Variants in VAV2 observed in about 807,000 individuals in gnomAD.
VAV2 encodes the protein guanine nucleotide exchange factor VAV2.
VAV2 carries 67 observed loss-of-function variants against 132.5 expected under a neutral mutation model. The observed-to-expected ratio is 0.51, with a 90% confidence interval of 0.42 to 0.62. The LOEUF (loss-of-function observed/expected upper bound fraction) is 0.62. VAV2 is among the 20% of genes least tolerant of loss of function. The probability of loss-of-function intolerance (pLI) is 0.00; values close to 1 mark genes in which losing one functional copy is unlikely to be tolerated. For synonymous variants in VAV2, 492 were observed against 443.5 expected (o/e 1.11, Z -1.37); for missense variants, 938 against 1,153.6 (o/e 0.81, Z 2.71).
chr9:133,787,571 G>A (rs1260046533), intron 15 of VAV2, among the ~76,000 whole-genome samples: 3 of 152,150 alleles, frequency 2.0e-5, no homozygotes, highest in African/African-American at 4.8e-5. Context: ...AGCCCTGGAG[G>A]CCAGGGACTG....
rs1374257418 is a variant in VAV2, at chr9:133,779,944, G to T, written c.1741-5C>A. ...TGGTCCCGCTCCGGAGGCGTCCTGT[G>T]AGGACAAGGACAGAACACAGAGATG... On this transcript the variant is annotated splice_region_variant and splice_polypyrimidine_tract_variant and intron_variant, in intron 20 of 29. Transcript: ENST00000371850. 4 of 1,612,578 alleles carry T rather than the reference G, an allele frequency of 2.5e-6. No homozygotes were observed. Among genetic ancestry groups the T allele is most frequent in the Non-Finnish European group, 3.4e-6 (4 of 1,179,734 alleles).
intron 2 of VAV2, among the ~76,000 whole-genome samples, chr9:133,930,322 CACTGCCTCCCAGCAGCCTT>C (rs1840635410): frequency 6.7e-6 from 1 of 150,104 alleles, no homozygotes; most frequent in Non-Finnish European, 1.5e-5. Context: ...CTGGCATCCA[CACTGCCTCCCAGCAGCCTT>C]GCTGCCTCCT....
At position 133,775,136 on chromosome 9, in the gene VAV2, C is replaced by A. The variant is rs1833769468; in HGVS notation, c.2019-85G>T. ...CCAGCCCTCCGTGCGTGGCAGGCCA[C>A]ATGAAGTACTCTGCAGTCCTCATCT... On this transcript the variant is annotated intron_variant, in intron 24 of 29. Coordinates refer to ENST00000371850, the MANE Select transcript of VAV2 (RefSeq NM_001134398.2). 1.9e-5 allele frequency: 21 copies of A among 1,123,054 alleles called. No homozygotes were observed. In the South Asian group the frequency reaches 2.5e-4, roughly 13 times the overall value. The allele number at this position is 1,123,054 out of a possible 1,614,324, so 69.6% of individuals were successfully genotyped here. A position where few individuals can be genotyped will look rare whatever the true frequency, so the allele number is the denominator to read the frequency against.
chr9:133,781,348 G>A (rs1480876510), intron 19 of VAV2, among the ~76,000 whole-genome samples: 3 of 152,246 alleles, frequency 2.0e-5, no homozygotes, highest in Non-Finnish European at 4.4e-5. Context: ...GAGGCAAGGA[G>A]GAAAAGGAGC....
intron 2 of VAV2, among the ~76,000 whole-genome samples, chr9:133,914,707 GA>G (rs2132054259): frequency 4.1e-5 from 2 of 49,294 alleles, no homozygotes; most frequent in African/African-American, 1.9e-4. Flanking sequence ...GGAGGGGAAG[GA>G]GAGGGGAGGG....
At chr9:133,959,394 G>T (rs534105426) in intron 1 of VAV2, among the ~76,000 whole-genome samples, 1 of 152,202 alleles carries the variant, frequency 6.6e-6, no homozygotes, top group South Asian at 2.1e-4. Context: ...CACCCTCTGC[G>T]CCAGACTGCT....
intron 3 of VAV2, among the ~76,000 whole-genome samples, chr9:133,842,161 TG>T (rs1452527853): frequency 2.0e-5 from 3 of 152,224 alleles, no homozygotes; most frequent in African/African-American, 7.2e-5. Flanking sequence ...GGACAGTTTT[TG>T]TTTCCCACAC....
At chr9:133,892,635 G>A (rs777565629) in intron 2 of VAV2, among the ~76,000 whole-genome samples, 17 of 152,106 alleles carry the variant, frequency 1.1e-4, no homozygotes, top group Admixed American at 7.2e-4. Context: ...TGAATCGGGC[G>A]TCAGAGTCCA....
At chr9:133,864,399 G>A (rs1239832601) in intron 2 of VAV2, among the ~76,000 whole-genome samples, 1 of 152,214 alleles carries the variant, frequency 6.6e-6, no homozygotes, top group Non-Finnish European at 1.5e-5. Flanking sequence ...GGCCACGCTT[G>A]GTGAGACTCA....
At chr9:133,812,081 G>A (rs1032994023) in intron 5 of VAV2, 33 bp downstream of exon 5, 16 of 1,598,400 alleles carry the variant, frequency 1.0e-5, no homozygotes, top group East Asian at 2.2e-5. Context: ...AGGGAAGGGA[G>A]GGGAAGGGAG....
intron 2 of VAV2, among the ~76,000 whole-genome samples, chr9:133,870,037 A>T (rs7044185): frequency 0.25 from 37,800 of 151,954 alleles, 6,954 homozygotes; most frequent in African/African-American, 0.52. Flanking sequence ...GAAAGCACGG[A>T]CAGAAAAATT....
intron 1 of VAV2, among the ~76,000 whole-genome samples, chr9:133,959,815 G>A (rs1398040329): frequency 6.6e-6 from 1 of 152,214 alleles, no homozygotes. Flanking sequence ...GCAGAGGCTG[G>A]CCAGCCAAGG....
In VAV2 at chr9:133,784,336, C is replaced by T. The variant is rs1451130243; in HGVS notation, c.1615G>A (p.Ala539Thr). ...CCACACCTGAGGAACATTTTGCAGG[C>T]TTTGCAGTTGGTGGTCTTGTCAAAC... ...YTFDKTTNCKACKMFLRGTFY... is the reference protein window; with the variant it reads ...YTFDKTTNCKTCKMFLRGTFY... Residue 539 changes from alanine (A) to threonine (T), a missense_variant, in exon 18 of 30, where the codon GCC becomes ACC. By Grantham distance (58) the Ala-to-Thr change is moderately conservative (BLOSUM62 0). Transcript: ENST00000371850. The T allele has an allele frequency of 2.0e-5, 33 of 1,614,224 alleles. No homozygotes were observed. The highest frequency in any genetic ancestry group is 2.6e-5 in the Non-Finnish European group (31 of 1,180,038).
intron 26 of VAV2, among the ~76,000 whole-genome samples, 168 bp from the exon 27 acceptor site, chr9:133,770,669 G>A (rs1005149130): frequency 3.9e-5 from 6 of 152,178 alleles, no homozygotes; most frequent in East Asian, 1.9e-4. Context: ...TCAGTACCTC[G>A]AAGGTACCAG....
intron 29 of VAV2, among the ~76,000 whole-genome samples, chr9:133,765,816 G>C (rs997655807): frequency 6.6e-6 from 1 of 152,182 alleles, no homozygotes; most frequent in Non-Finnish European, 1.5e-5. Context: ...GAGAGAAATA[G>C]ACAAACACAC....
At chr9:133,860,226 C>G (rs1020370868) in intron 3 of VAV2, among the ~76,000 whole-genome samples, 1 of 151,206 alleles carries the variant, frequency 6.6e-6, no homozygotes, top group African/African-American at 2.4e-5. Flanking sequence ...GGTGTGAACC[C>G]GGGAGACGGA....
Position 133,802,686 on chromosome 9 carries a change from C to A in VAV2, c.836+3395G>T, listed in dbSNP as rs529944020. On this transcript the variant is annotated intron_variant, in intron 9 of 29. Transcript: ENST00000371850. The surrounding 1 kb of genome is among the most constrained non-coding windows in gnomAD (Gnocchi z 5.8). ...CTGAGTACGTCAAATTCTGAACCCA[C>A]CACACGGTGCACAAATGCCTCCTCC... Among the ~76,000 whole-genome samples, 7 of 152,304 alleles carry A rather than the reference C, an allele frequency of 4.6e-5. No individual in the cohort carries two copies. Among genetic ancestry groups the A allele is most frequent in the Admixed American group, 1.3e-4 (2 of 15,298 alleles).
chr9:133,812,715 T>A (rs527417079), intron 4 of VAV2, among the ~76,000 whole-genome samples: 5 of 152,168 alleles, frequency 3.3e-5, no homozygotes, highest in African/African-American at 1.2e-4. Context: ...TCCGGGTACA[T>A]GGAGGGTGAC....
intron 2 of VAV2, among the ~76,000 whole-genome samples, chr9:133,878,919 AC>A (rs1469615261): frequency 1.3e-5 from 2 of 152,074 alleles, no homozygotes; most frequent in African/African-American, 2.4e-5. Context: ...AGGGGCAGAA[AC>A]CTTTTCCCCA....
Sources: gnomAD v4.1 joint callset for allele counts (sites outside exome capture counted in the v4.1 genomes callset) on GRCh38, gnomAD v4.1.1 for gene constraint, Gnocchi (gnomAD v3.1) non-coding constraint, MANE v1.5 for transcripts, NCBI Gene and HGNC (gene_info 2026-07-23, HGNC 2026-07-21) for gene names.